PDE4D: variants seen among roughly 807,000 people sequenced by gnomAD.
PDE4D encodes 3',5'-cyclic-AMP phosphodiesterase 4D.
A neutral mutation model predicts 87.4 loss-of-function variants in PDE4D; 24 were observed. The ratio of observed to expected loss-of-function variants is 0.27; its 90% CI spans 0.20 to 0.39. The LOEUF (loss-of-function observed/expected upper bound fraction) is 0.39, where lower values mean the gene tolerates loss of function less well. Ranked by LOEUF, PDE4D falls within the 10% of genes least tolerant of loss-of-function variation. The probability of loss-of-function intolerance (pLI) is 1.00; values close to 1 mark genes in which losing one functional copy is unlikely to be tolerated. For missense variants in PDE4D, 714 were observed against 1,041.0 expected (o/e 0.69, Z 4.32); for synonymous variants, 384 against 383.2 (o/e 1.00, Z -0.02).
chr5:60,491,988 C>T (rs185824810), upstream of PDE4D, among the ~76,000 whole-genome samples: 22 of 152,178 alleles, frequency 1.4e-4, no homozygotes, highest in Non-Finnish European at 2.6e-4. Context: ...AGAAAATTGT[C>T]GGGAGGGATA....
intron 1 of PDE4D, among the ~76,000 whole-genome samples, chr5:59,742,130 C>T (rs963487038): frequency 6.6e-6 from 1 of 152,130 alleles, no homozygotes; most frequent in African/African-American, 2.4e-5. Context: ...ATGGCGCAGT[C>T]TCGGCTCACT....
At chr5:59,244,655 G>C (rs2591826) in intron 1 of PDE4D, among the ~76,000 whole-genome samples, 1 of 144,048 alleles carries the variant, frequency 6.9e-6, no homozygotes, top group African/African-American at 2.6e-5. Flanking sequence ...TATATGTATA[G>C]ATATATGTAT....
At chr5:59,666,136 T>C (rs1422911485) in intron 1 of PDE4D, among the ~76,000 whole-genome samples, 1 of 152,124 alleles carries the variant, frequency 6.6e-6, no homozygotes, top group Non-Finnish European at 1.5e-5. Context: ...AATTATTGTA[T>C]TTTTAGTAGA....
chr5:59,689,160 A>G (rs1240037618), intron 1 of PDE4D, among the ~76,000 whole-genome samples: 3 of 152,222 alleles, frequency 2.0e-5, no homozygotes, highest in Non-Finnish European at 4.4e-5. Flanking sequence ...AGCTGGTAAC[A>G]TTCCTTCTGA....
At chr5:59,908,889 C>G (rs150741008) in intron 3 of PDE4D, among the ~76,000 whole-genome samples, 83 of 152,210 alleles carry the variant, frequency 5.5e-4, no homozygotes, top group Non-Finnish European at 9.4e-4. Flanking sequence ...AAAGTGGTAG[C>G]TTAATTTTTT....
chr5:59,220,026 TAC>T (rs1343230910), intron 1 of PDE4D, among the ~76,000 whole-genome samples: 1 of 152,150 alleles, frequency 6.6e-6, no homozygotes, highest in Admixed American at 6.6e-5. Context: ...GGCAATTTTG[TAC>T]AGTTCAACCT....
intron 2 of PDE4D, among the ~76,000 whole-genome samples, chr5:59,195,877 A>G (rs1581305406): frequency 6.6e-6 from 1 of 152,214 alleles, no homozygotes; most frequent in Non-Finnish European, 1.5e-5. Context: ...GGAAATTGCA[A>G]AGACTCAGAA....
At chr5:59,139,850 T>C (rs1316045695) in intron 5 of PDE4D, among the ~76,000 whole-genome samples, 3 of 152,080 alleles carry the variant, frequency 2.0e-5, no homozygotes, top group African/African-American at 7.2e-5. Flanking sequence ...GAGGAGGAAC[T>C]GAGAAACTGG....
chr5:59,430,812 G>T (rs1464007200), intron 1 of PDE4D, among the ~76,000 whole-genome samples: 1 of 152,034 alleles, frequency 6.6e-6, no homozygotes, highest in East Asian at 1.9e-4. Context: ...ATAGTAGTTT[G>T]GTAATCAGAG....
At chr5:60,266,136 T>C (rs75428013) in intron 1 of PDE4D, among the ~76,000 whole-genome samples, 2,180 of 152,122 alleles carry the variant, frequency 0.014, 19 homozygotes, top group African/African-American at 0.03. Context: ...GGTCCGCTGT[T>C]GTCACTCAAA....
intron 1 of PDE4D, among the ~76,000 whole-genome samples, chr5:59,653,853 G>T (rs1315877646): frequency 7.2e-6 from 1 of 138,514 alleles, no homozygotes; most frequent in Non-Finnish European, 1.5e-5. Flanking sequence ...GGAAAAGGGG[G>T]AAAGAAGAAG....
rs535912756 is a variant in PDE4D, at chr5:60,096,122, CT to C, written c.42+89434del. ...ATTAGATCCCATTTGTCAATTTTGG[CT>C]TTTGTTGCCATTGCTTTTGGTGTTT... On this transcript the variant is annotated intron_variant, in intron 2 of 16. Transcript: ENST00000502484. Among the ~76,000 whole-genome samples the C allele has an allele frequency of 9.3e-4, 141 of 152,178 alleles. 1 individual carries two copies. The highest frequency in any genetic ancestry group is 3.2e-3 in the African/African-American group (132 of 41,528).
chr5:59,193,256 T>A (rs541250692), intron 3 of PDE4D, among the ~76,000 whole-genome samples: 61 of 152,316 alleles, frequency 4.0e-4, no homozygotes, highest in African/African-American at 1.4e-3. Context: ...ATTAAGTATA[T>A]CCCTTAGCTA....
intron 2 of PDE4D, among the ~76,000 whole-genome samples, chr5:60,052,334 C>A (rs544686556): frequency 1.8e-4 from 27 of 152,192 alleles, no homozygotes; most frequent in African/African-American, 6.5e-4. Context: ...AAAAAGCTTA[C>A]GCACCATGAT....
At chr5:59,570,675 A>C (rs1420411086) in intron 1 of PDE4D, among the ~76,000 whole-genome samples, 5 of 152,320 alleles carry the variant, frequency 3.3e-5, no homozygotes, top group African/African-American at 1.2e-4. Context: ...AAACTCCAAG[A>C]AAATCAAATA....
chr5:60,419,043 G>C (rs184644223), intron 1 of PDE4D, among the ~76,000 whole-genome samples: 161 of 152,210 alleles, frequency 1.1e-3, no homozygotes, highest in African/African-American at 3.7e-3. Context: ...TTTTTAACGA[G>C]GCTACAGCCA....
chr5:59,777,620 A>T (rs1441284379), intron 1 of PDE4D, among the ~76,000 whole-genome samples: 2 of 152,184 alleles, frequency 1.3e-5, no homozygotes, highest in African/African-American at 2.4e-5. Context: ...AGATTGCTCC[A>T]TATGTATCTT....
chr5:59,886,515 TAAAAATAAAAAAATAA>T (rs977511759), intron 1 of PDE4D, among the ~76,000 whole-genome samples: 1 of 151,206 alleles, frequency 6.6e-6, no homozygotes, highest in South Asian at 2.1e-4. Flanking sequence ...AAATAAAAAA[TAAAAATAAAAAAATAA>T]AAAAATAAAG....
intron 1 of PDE4D, among the ~76,000 whole-genome samples, chr5:59,368,770 A>G (rs1257615935): frequency 2.6e-5 from 4 of 152,224 alleles, no homozygotes; most frequent in Non-Finnish European, 5.9e-5. Flanking sequence ...GGAAGTGATT[A>G]CAAACTTCAC....
Sources: gnomAD v4.1 joint callset for allele counts (sites outside exome capture counted in the v4.1 genomes callset) on GRCh38, gnomAD v4.1.1 for gene constraint, MANE v1.5 for transcripts, NCBI Gene and HGNC (gene_info 2026-07-23, HGNC 2026-07-21) for gene names.